Variants in DPH6 observed in about 807,000 individuals in gnomAD.
DPH6 encodes diphthine--ammonia ligase.
In DPH6, 33 loss-of-function variants were observed where a neutral mutation model predicts 38.2. The ratio of observed to expected loss-of-function variants is 0.86; its 90% CI spans 0.65 to 1.15. The LOEUF (loss-of-function observed/expected upper bound fraction) is 1.15, where lower values mean the gene tolerates loss of function less well. DPH6 is among the 50% of genes most tolerant of loss of function. DPH6 has a pLI of 0.00. For missense variants in DPH6, 325 were observed against 320.0 expected (o/e 1.02, Z -0.12); for synonymous variants, 108 against 103.0 (o/e 1.05, Z -0.30).
At chr15:35,405,016 CAAA>C (rs2053272637) in intron 6 of DPH6, among the ~76,000 whole-genome samples, 1 of 152,034 alleles carries the variant, frequency 6.6e-6, no homozygotes, top group Non-Finnish European at 1.5e-5. Flanking sequence ...GCATCTTTGT[CAAA>C]AATGAATTTG....
chr15:35,218,210 TCAACCACA>T (rs1412101540), exon 4 of DPH6: 1 of 152,126 alleles, frequency 6.6e-6, no homozygotes, highest in East Asian at 1.9e-4. Flanking sequence ...TCAGACACAA[TCAACCACA>T]GGATTTCAAC....
intron 3 of DPH6, among the ~76,000 whole-genome samples, chr15:35,311,377 T>A (rs1258996780): frequency 6.6e-6 from 1 of 152,224 alleles, no homozygotes; most frequent in Non-Finnish European, 1.5e-5. Context: ...TACAGTACCA[T>A]CTTTGAAAAT....
intron 6 of DPH6, chr15:35,401,496 C>T (rs2053218723): frequency 1.3e-6 from 1 of 769,814 alleles, no homozygotes; most frequent in Non-Finnish European, 2.4e-6. Flanking sequence ...GTGGCTATGG[C>T]AGGAGTGACA....
At chr15:35,515,722 GAAAAAAA>G (rs61568573) in intron 3 of DPH6, among the ~76,000 whole-genome samples, 1 of 77,940 alleles carries the variant, frequency 1.3e-5, no homozygotes, top group African/African-American at 5.0e-5. Flanking sequence ...CTCCGTCTCA[GAAAAAAA>G]AAAAAAAAAA....
At chr15:35,247,761 CTA>C (rs1176078826) in intron 3 of DPH6, among the ~76,000 whole-genome samples, 3 of 152,060 alleles carry the variant, frequency 2.0e-5, no homozygotes, top group Non-Finnish European at 4.4e-5. Flanking sequence ...GTTCTTTCAA[CTA>C]GTTTCATTGT....
At chr15:35,319,163 T>C (rs1595476540) in intron 3 of DPH6, among the ~76,000 whole-genome samples, 1 of 152,288 alleles carries the variant, frequency 6.6e-6, no homozygotes, top group Non-Finnish European at 1.5e-5. Flanking sequence ...GACAAGGCAA[T>C]CTACTGAGGA....
chr15:35,540,393 G>A (rs780819452), intron 2 of DPH6, among the ~76,000 whole-genome samples: 9 of 152,134 alleles, frequency 5.9e-5, no homozygotes, highest in East Asian at 1.9e-4. Flanking sequence ...TTGAAAACCC[G>A]TAACTTTGCT....
intron 3 of DPH6, among the ~76,000 whole-genome samples, chr15:35,264,171 C>A (rs2051768649): frequency 6.6e-6 from 1 of 151,392 alleles, no homozygotes. Context: ...TGCCTCCACT[C>A]TAGAGCAAGG....
At chr15:35,490,249 A>C in intron 3 of DPH6, 1 of 949,172 alleles carries the variant, frequency 1.1e-6, no homozygotes, top group South Asian at 4.9e-5. Context: ...AAATAAGAAG[A>C]CAGGCTGAAT....
chr15:35,495,123 A>C (rs2054532643), intron 3 of DPH6, among the ~76,000 whole-genome samples: 1 of 152,194 alleles, frequency 6.6e-6, no homozygotes, highest in African/African-American at 2.4e-5. Context: ...GTGTCCCCTC[A>C]AAATTCATAT....
chr15:35,541,122 A>G (rs2055246995), intron 2 of DPH6, among the ~76,000 whole-genome samples: 2 of 152,068 alleles, frequency 1.3e-5, no homozygotes, highest in South Asian at 2.1e-4. Context: ...TTACTCATCA[A>G]TTGCAGCACA....
At chr15:35,278,051 G>T (rs1300014694) in intron 3 of DPH6, among the ~76,000 whole-genome samples, 3 of 152,218 alleles carry the variant, frequency 2.0e-5, no homozygotes, top group Non-Finnish European at 4.4e-5. Context: ...AAAGAGACTA[G>T]CATGACTAAA....
At chr15:35,253,489 A>T (rs990922701) in intron 3 of DPH6, among the ~76,000 whole-genome samples, 17 of 152,374 alleles carry the variant, frequency 1.1e-4, no homozygotes, top group African/African-American at 4.1e-4. Flanking sequence ...CAGAAAAGTG[A>T]GAGTAAACCT....
intron 1 of DPH6, among the ~76,000 whole-genome samples, chr15:35,545,173 G>A (rs565050491): frequency 6.6e-6 from 1 of 152,294 alleles, no homozygotes; most frequent in South Asian, 2.1e-4. Flanking sequence ...ACAAAAGCAA[G>A]CACATCGTTG....
At chr15:35,229,336 T>G (rs2051502378) in intron 3 of DPH6, among the ~76,000 whole-genome samples, 1 of 149,300 alleles carries the variant, frequency 6.7e-6, no homozygotes, top group Non-Finnish European at 1.5e-5. Context: ...GACTCGGATG[T>G]ATTCTTCAGT....
intron 5 of DPH6, 135 bp downstream of exon 5, chr15:35,450,550 T>C: frequency 1.4e-6 from 1 of 736,068 alleles, no homozygotes; most frequent in Non-Finnish European, 2.3e-6. Context: ...GGAAGGTGCT[T>C]ACTCAATTTC....
At position 35,370,898 on chromosome 15, in the gene DPH6, C is replaced by T. The variant is rs112115925; in HGVS notation, c.*1252G>A. On this transcript the variant is annotated 3_prime_UTR_variant, in exon 9 of 9. Transcript: ENST00000256538. ...AAACCTGTTCATGGATGTTTATAGT[C>T]GCTTTATTCATAATCGCCAAAACAT... The T allele has an allele frequency of 8.6e-5, 13 of 151,616 alleles. No homozygotes were observed. The highest frequency in any genetic ancestry group is 2.7e-4 in the African/African-American group (11 of 41,430). 9.4% of individuals were successfully genotyped at this position (151,616 alleles called of 1,614,324 possible). A position where few individuals can be genotyped will look rare whatever the true frequency, so the allele number is the denominator to read the frequency against.
chr15:35,207,339 A>G, the DPH6 span, among the ~76,000 whole-genome samples: 8,837 of 152,116 alleles, frequency 0.058, 577 homozygotes, highest in East Asian at 0.3. Context: ...AAGCCATCAA[A>G]CCCAGCCTGA....
At chr15:35,223,859 C>T (rs2051460050) in intron 3 of DPH6, among the ~76,000 whole-genome samples, 1 of 151,890 alleles carries the variant, frequency 6.6e-6, no homozygotes, top group Non-Finnish European at 1.5e-5. Flanking sequence ...GAAATGTACC[C>T]ACTATTACAG....
Sources: allele counts gnomAD v4.1 joint callset (sites outside exome capture counted in the v4.1 genomes callset), GRCh38; gene constraint gnomAD v4.1.1; transcripts MANE v1.5; gene names NCBI Gene and HGNC (gene_info 2026-07-23, HGNC 2026-07-21).